The following NSMCE2 variants were observed in gnomAD, a reference collection of about 807,000 sequenced individuals.
NSMCE2 encodes the protein NSE2 SUMO ligase component of SMC5/6 complex, also known as E3 SUMO-protein ligase NSE2.
A neutral mutation model predicts 23.8 loss-of-function variants in NSMCE2; 24 were observed. The ratio of observed to expected loss-of-function variants is 1.01; its 90% CI spans 0.73 to 1.42. NSMCE2 has a LOEUF of 1.42. Ranked by LOEUF, NSMCE2 falls within the 40% of genes most tolerant of loss-of-function variation. The pLI is 0.00. For missense variants in NSMCE2, 284 were observed against 296.5 expected (o/e 0.96, Z 0.31); for synonymous variants, 92 against 94.1 (o/e 0.98, Z 0.13).
intron 1 of NSMCE2, among the ~76,000 whole-genome samples, chr8:125,097,175 G>A (rs1431252358): frequency 6.6e-6 from 1 of 151,970 alleles, no homozygotes; most frequent in Non-Finnish European, 1.5e-5. Flanking sequence ...CTTTTTTGAT[G>A]TGGAACTGTA....
chr8:125,182,129 A>C lies in NSMCE2; in HGVS notation c.291A>C (p.Ile97=), dbSNP rs199627612. Residue 97 remains isoleucine (I), a synonymous_variant, in exon 5 of 8, where the codon ATA becomes ATC. Transcript: ENST00000287437. ...TGAAAGAAGAACGTCCAGAAAAAAT[A>C]CCAGATTTAAAATTATTGGTAGAGA... is the stretch of plus-strand genomic sequence containing the variant. ...NHVKEERPEK[I]PDLKLLVEKK... 12 of 1,599,358 alleles carry C rather than the reference A, an allele frequency of 7.5e-6. No individual in the cohort carries two copies. The highest frequency in any genetic ancestry group is 1.7e-4 in the Middle Eastern group (1 of 5,972).
At chr8:125,284,793 C>G (rs1827830764) in intron 5 of NSMCE2, among the ~76,000 whole-genome samples, 3 of 152,094 alleles carry the variant, frequency 2.0e-5, no homozygotes, top group Admixed American at 6.6e-5. Flanking sequence ...AAAAATAATA[C>G]AACCAAATGA....
At chr8:125,356,330 T>G (rs923679871) in intron 5 of NSMCE2, among the ~76,000 whole-genome samples, 15 of 142,284 alleles carry the variant, frequency 1.1e-4, no homozygotes, top group Admixed American at 4.2e-4. Context: ...TTTTTGGTTT[T>G]TTTTTTTTTT....
At chr8:125,322,240 T>C (rs547427686) in intron 5 of NSMCE2, among the ~76,000 whole-genome samples, 2 of 152,154 alleles carry the variant, frequency 1.3e-5, no homozygotes, top group East Asian at 3.9e-4. Flanking sequence ...TGGTGGTGGG[T>C]ACCTCTAGGT....
At chr8:125,287,126 G>A (rs1827935030) in intron 5 of NSMCE2, among the ~76,000 whole-genome samples, 1 of 152,160 alleles carries the variant, frequency 6.6e-6, no homozygotes, top group Non-Finnish European at 1.5e-5. Flanking sequence ...GAGGTCTGGA[G>A]TTTGAGGCCA....
chr8:125,154,037 G>C (rs1821178268), intron 4 of NSMCE2, among the ~76,000 whole-genome samples: 1 of 152,030 alleles, frequency 6.6e-6, no homozygotes, highest in African/African-American at 2.4e-5. Context: ...TTTAAAATAA[G>C]ATTATTTTTT....
chr8:125,157,307 T>C (rs1261317351), intron 4 of NSMCE2, among the ~76,000 whole-genome samples: 2 of 152,204 alleles, frequency 1.3e-5, no homozygotes, highest in Non-Finnish European at 2.9e-5. Flanking sequence ...TCTTCTCTAC[T>C]CGCTGCATAT....
At chr8:125,134,788 C>T (rs1170990631) in intron 3 of NSMCE2, among the ~76,000 whole-genome samples, 1 of 145,942 alleles carries the variant, frequency 6.9e-6, no homozygotes, top group African/African-American at 2.6e-5. Context: ...AGTACAGTGG[C>T]ATGATCATAG....
At chr8:125,120,430 T>A (rs1275001231) in intron 3 of NSMCE2, among the ~76,000 whole-genome samples, 3 of 152,228 alleles carry the variant, frequency 2.0e-5, no homozygotes, top group African/African-American at 7.2e-5. Context: ...AAATGCCAAT[T>A]TTAAAAATAG....
intron 4 of NSMCE2, among the ~76,000 whole-genome samples, chr8:125,174,819 T>C (rs1246487232): frequency 6.6e-6 from 1 of 152,214 alleles, no homozygotes; most frequent in Non-Finnish European, 1.5e-5. Context: ...GTATTCTCTC[T>C]TAAGTGTTTT....
intron 3 of NSMCE2, among the ~76,000 whole-genome samples, chr8:125,135,824 T>C (rs1277949232): frequency 6.6e-6 from 1 of 152,266 alleles, no homozygotes. Flanking sequence ...ATGATAAATC[T>C]TGAAATAAGC....
intron 5 of NSMCE2, among the ~76,000 whole-genome samples, chr8:125,291,133 G>A (rs1828089665): frequency 6.6e-6 from 1 of 152,168 alleles, no homozygotes; most frequent in African/African-American, 2.4e-5. Flanking sequence ...AGGGGTAAAG[G>A]AAGGGTTACC....
intron 3 of NSMCE2, among the ~76,000 whole-genome samples, chr8:125,129,544 CTGTGTGTGTGTGTG>C (rs10578122): frequency 6.9e-6 from 1 of 145,358 alleles, no homozygotes; most frequent in Non-Finnish European, 1.5e-5. Context: ...AGATTTGGCT[CTGTGTGTGTGTGTG>C]TGTGTGTGTG....
In NSMCE2 at chr8:125,201,612, A is replaced by G. The variant is rs116827100; in HGVS notation, c.418+19356A>G. Among the ~76,000 whole-genome samples, 1,029 of 152,212 alleles carry G rather than the reference A, an allele frequency of 6.8e-3. 13 individuals carry two copies. Among genetic ancestry groups the G allele is most frequent in the African/African-American group, 0.023 (958 of 41,532 alleles). ...CTGTATGAGTTGTCTGTCAGTCCCT[A>G]CTGGGAGTTGTCTTCCAGTTAGGCT... On this transcript the variant is annotated intron_variant, in intron 5 of 7. Coordinates refer to ENST00000287437, the MANE Select transcript of NSMCE2 (RefSeq NM_173685.4).
In NSMCE2 at chr8:125,265,610, C is replaced by T. The variant is rs150271884; in HGVS notation, c.418+83354C>T. Among the ~76,000 whole-genome samples, 334 of 152,280 alleles carry T rather than the reference C, an allele frequency of 2.2e-3. 1 individual carries two copies. Among genetic ancestry groups the T allele is most frequent in the African/African-American group, 7.3e-3 (305 of 41,566 alleles). The stretch of plus-strand genomic sequence containing the variant: ...GTTTTTTGTACCCTCTTAAATTTTG[C>T]CTCTCAGGCAGGTGGCCGCCTTACT... On this transcript the variant is annotated intron_variant, in intron 5 of 7. Transcript: ENST00000287437.
At chr8:125,163,583 G>A (rs1408843467) in intron 4 of NSMCE2, among the ~76,000 whole-genome samples, 2 of 152,138 alleles carry the variant, frequency 1.3e-5, no homozygotes, top group African/African-American at 4.8e-5. Context: ...TAGATAAAAC[G>A]AGATTGTAGA....
intron 5 of NSMCE2, among the ~76,000 whole-genome samples, chr8:125,210,811 C>G (rs1824300765): frequency 6.6e-6 from 1 of 152,134 alleles, no homozygotes; most frequent in Non-Finnish European, 1.5e-5. Context: ...ACCTCCACCT[C>G]TGGGGTTCAA....
At chr8:125,315,748 G>A (rs1200284908) in intron 5 of NSMCE2, among the ~76,000 whole-genome samples, 2 of 152,110 alleles carry the variant, frequency 1.3e-5, no homozygotes, top group Non-Finnish European at 2.9e-5. Context: ...ATTTTCCATG[G>A]AGGAGTCTTC....
intron 4 of NSMCE2, among the ~76,000 whole-genome samples, chr8:125,170,376 CTTTTTTTTTTTTT>C (rs565593006): frequency 0.044 from 1,636 of 37,606 alleles, 8 homozygotes; most frequent in Middle Eastern, 0.091. Context: ...CTCTTTATTT[CTTTTTTTTTTTTT>C]TTTTTTTTTT....
Sources: allele counts gnomAD v4.1 joint callset (sites outside exome capture counted in the v4.1 genomes callset), GRCh38; gene constraint gnomAD v4.1.1; transcripts MANE v1.5; gene names NCBI Gene and HGNC (gene_info 2026-07-23, HGNC 2026-07-21).